Variants in SPOPL observed in about 807,000 individuals in gnomAD.
SPOPL encodes speckle type BTB/POZ protein like, also known as speckle-type POZ protein-like.
Under a neutral mutation model 53.8 loss-of-function variants are expected in SPOPL, and 23 were observed. The ratio of observed to expected loss-of-function variants is 0.43; its 90% confidence interval spans 0.31 to 0.61. The LOEUF (loss-of-function observed/expected upper bound fraction) is 0.61, where lower values mean the gene tolerates loss of function less well. Ranked by LOEUF, SPOPL falls within the 20% of genes least tolerant of loss-of-function variation. The pLI is 0.12. For missense variants in SPOPL, 442 were observed against 466.9 expected, an observed-to-expected ratio of 0.95 and a Z score of 0.49; for synonymous variants, 164 against 149.7, an observed-to-expected ratio of 1.10 and a Z score of -0.70.
At chr2:138,504,146 A>G (rs1430625346) in intron 1 of SPOPL, among the ~76,000 whole-genome samples, 2 of 152,258 alleles carry the variant, frequency 1.3e-5, no homozygotes, top group African/African-American at 4.8e-5. Context: ...AATTACATGT[A>G]AAAATATGTA....
chr2:138,504,549 TA>T (rs1031550569), intron 1 of SPOPL, among the ~76,000 whole-genome samples: 5 of 152,226 alleles, frequency 3.3e-5, no homozygotes, highest in Middle Eastern at 6.3e-3. Flanking sequence ...CTTAGTTTTG[TA>T]AATATTCTTT....
chr2:138,571,487 G>T lies in SPOPL; in HGVS notation c.*2407G>T, dbSNP rs896033995. ...TGTTTGTAGAAATGTCCACTTTTCA[G>T]ATAATATAATGCCTACCATTATACT... On this transcript the variant is annotated 3_prime_UTR_variant, in exon 11 of 11. Transcript: ENST00000280098. The T allele has an allele frequency of 4.6e-5, 7 of 152,426 alleles. No individual in the cohort carries two copies. Among genetic ancestry groups the T allele is most frequent in the African/African-American group, 1.7e-4 (7 of 41,404 alleles). The allele number at this position is 152,426 out of a possible 1,614,324, so 9.4% of individuals were successfully genotyped here. A position where few individuals can be genotyped will look rare whatever the true frequency, so the allele number is the denominator to read the frequency against.
At chr2:138,540,749 G>T (rs529998089) in intron 1 of SPOPL, among the ~76,000 whole-genome samples, 1 of 152,230 alleles carries the variant, frequency 6.6e-6, no homozygotes, top group Non-Finnish European at 1.5e-5. Context: ...TCTCCTGCCT[G>T]ATTGCCCTGG....
chr2:138,511,505 T>G (rs1684323136), intron 1 of SPOPL, among the ~76,000 whole-genome samples: 1 of 152,210 alleles, frequency 6.6e-6, no homozygotes, highest in Non-Finnish European at 1.5e-5. Flanking sequence ...GTTGAGTACT[T>G]AAGACATTTT....
intron 1 of SPOPL, among the ~76,000 whole-genome samples, chr2:138,515,009 G>A (rs1254067438): frequency 3.3e-5 from 5 of 152,154 alleles, no homozygotes; most frequent in African/African-American, 9.7e-5. Flanking sequence ...CCAGGGGAAC[G>A]TGGAACAGAC....
At chr2:138,534,015 C>A (rs916615037) in intron 1 of SPOPL, among the ~76,000 whole-genome samples, 16 of 151,750 alleles carry the variant, frequency 1.1e-4, no homozygotes, top group African/African-American at 3.4e-4. Flanking sequence ...TTTTTTTAAC[C>A]CTACTTTGCT....
chr2:138,554,632 C>A, intron 5 of SPOPL: 1 of 583,820 alleles, frequency 1.7e-6, no homozygotes, highest in South Asian at 3.4e-5. Context: ...AGATTGGTAG[C>A]AGTGTAAGCA....
At chr2:138,511,554 A>G (rs544352243) in intron 1 of SPOPL, among the ~76,000 whole-genome samples, 341 of 152,344 alleles carry the variant, frequency 2.2e-3, no homozygotes, top group African/African-American at 7.3e-3. Flanking sequence ...TGAGGTATAG[A>G]TAATACCATA....
At position 138,552,570 on chromosome 2, in the gene SPOPL, T is replaced by C. The variant is rs1459616282; in HGVS notation, c.369T>C (p.Tyr123=). The C allele has an allele frequency of 3.7e-6, 6 of 1,611,138 alleles. No individual in the cohort carries two copies. Among genetic ancestry groups the C allele is most frequent in the Non-Finnish European group, 5.1e-6 (6 of 1,178,728 alleles). Residue 123 remains tyrosine (Y), a synonymous_variant, in exon 5 of 11, where the codon TAT becomes TAC. Coordinates refer to ENST00000280098, the MANE Select transcript of SPOPL (RefSeq NM_001001664.3). ...ETKAMESQRA[Y]RFVQGKDWGF... ...TTCCACCAGAAAGCCAAAGAGCATA[T>C]CGATTTGTGCAAGGGAAGGACTGGG...
intron 5 of SPOPL, among the ~76,000 whole-genome samples, chr2:138,557,025 A>G (rs6722181): frequency 0.99 from 150,266 of 152,142 alleles, 74,235 homozygotes; most frequent in Non-Finnish European, 1. Flanking sequence ...GAGTGGTGGC[A>G]GGCACCTGTA....
intron 1 of SPOPL, among the ~76,000 whole-genome samples, chr2:138,504,101 A>T (rs1177344717): frequency 1.3e-5 from 2 of 152,388 alleles, no homozygotes; most frequent in African/African-American, 4.8e-5. Flanking sequence ...TGTTGTTTTA[A>T]ATAGTAAAAG....
At chr2:138,567,702 C>CT (rs1357616356) in intron 10 of SPOPL, among the ~76,000 whole-genome samples, 1 of 151,984 alleles carries the variant, frequency 6.6e-6, no homozygotes, top group Non-Finnish European at 1.5e-5. Flanking sequence ...TGGAAAGTTA[C>CT]TAGAGTAGTT....
chr2:138,526,807 A>G (rs781694471), intron 1 of SPOPL, among the ~76,000 whole-genome samples: 6 of 151,470 alleles, frequency 4.0e-5, no homozygotes, highest in Non-Finnish European at 5.9e-5. Context: ...GCTCACTGCA[A>G]CCTCCACCTC....
intron 1 of SPOPL, among the ~76,000 whole-genome samples, chr2:138,521,322 G>A (rs1684551208): frequency 1.3e-5 from 2 of 151,700 alleles, no homozygotes; most frequent in African/African-American, 4.8e-5. Flanking sequence ...ATGTGAAATG[G>A]GTAGAAGTAG....
chr2:138,523,423 G>T (rs966660567), intron 1 of SPOPL, among the ~76,000 whole-genome samples: 25 of 152,012 alleles, frequency 1.6e-4, no homozygotes, highest in African/African-American at 5.8e-4. Flanking sequence ...ATATCATTCT[G>T]CCCCTGGCCC....
chr2:138,514,193 T>G (rs896598862), intron 1 of SPOPL, among the ~76,000 whole-genome samples: 8 of 152,200 alleles, frequency 5.3e-5, no homozygotes, highest in African/African-American at 1.9e-4. Flanking sequence ...CCTAAAAACA[T>G]GTACCCAAGG....
intron 1 of SPOPL, among the ~76,000 whole-genome samples, chr2:138,541,949 T>C (rs1221071163): frequency 2.6e-5 from 4 of 152,182 alleles, no homozygotes; most frequent in Non-Finnish European, 5.9e-5. Flanking sequence ...TTTGTTCTCG[T>C]TGGTTTCAAA....
intron 1 of SPOPL, among the ~76,000 whole-genome samples, chr2:138,537,481 T>C (rs1474879069): frequency 1.3e-5 from 2 of 152,218 alleles, no homozygotes; most frequent in African/African-American, 4.8e-5. Context: ...GGGTTGATTT[T>C]TAACTACCAG....
chr2:138,561,082 A>AT (rs1270481539), intron 8 of SPOPL, among the ~76,000 whole-genome samples, 155 bp downstream of exon 8: 3 of 151,792 alleles, frequency 2.0e-5, no homozygotes, highest in Non-Finnish European at 4.4e-5. Flanking sequence ...TGGAAATGAA[A>AT]TTTTTTTTTA....
Sources: allele counts gnomAD v4.1 joint callset (sites outside exome capture counted in the v4.1 genomes callset), GRCh38; gene constraint gnomAD v4.1.1; transcripts MANE v1.5; gene names NCBI Gene and HGNC (gene_info 2026-07-23, HGNC 2026-07-21).